FANCI: variants seen among roughly 807,000 people sequenced by gnomAD.
FANCI encodes the protein Fanconi anemia group I protein.
A neutral mutation model predicts 176.1 loss-of-function variants in FANCI; 156 were observed. The ratio of observed to expected loss-of-function variants is 0.89; its 90% CI spans 0.78 to 1.01. The LOEUF (loss-of-function observed/expected upper bound fraction) is 1.01, where lower values mean the gene tolerates loss of function less well. Ranked by LOEUF, FANCI falls within the 50% of genes least tolerant of loss-of-function variation. FANCI has a pLI of 0.00. For missense variants in FANCI, 1,678 were observed against 1,534.1 expected (o/e 1.09, Z -1.57); for synonymous variants, 613 against 541.7 (o/e 1.13, Z -1.83).
intron 24 of FANCI, among the ~76,000 whole-genome samples, chr15:89,297,316 G>T (rs1341462261): frequency 6.7e-6 from 1 of 150,228 alleles, no homozygotes; most frequent in Non-Finnish European, 1.5e-5. Flanking sequence ...TCCTAGATGG[G>T]ATTGCGGCCG....
Position 89,283,240 on chromosome 15 carries a change from G to A in FANCI, c.1688G>A (p.Ser563Asn). The change falls in exon 17 of 38, where the codon AGT becomes AAT. Residue 563 changes from serine (S) to asparagine (N), a missense_variant. Ser to Asn is a conservative substitution (Grantham distance 46). Around this residue, in one of 3 missense-constraint regions of FANCI, gnomAD observed 1,204 missense variants for 1,077.4 expected, o/e 1.12. Coordinates refer to ENST00000310775, the MANE Select transcript of FANCI (RefSeq NM_001113378.2). ...TCCTCTCAGTGCAGTCAGTCTCTCAGTGTCAGTCAGGTAAGGATTATTTAC... is the reference window on the plus strand; with the variant it reads ...TCCTCTCAGTGCAGTCAGTCTCTCAATGTCAGTCAGGTAAGGATTATTTAC... ...LSSSQCSQSL[S>N]VSQVHVDVHS... The A allele has an allele frequency of 1.2e-6, 2 of 1,614,084 alleles. No homozygotes were observed. The highest frequency in any genetic ancestry group is 1.7e-6 in the Non-Finnish European group (2 of 1,179,920).
intron 14 of FANCI, among the ~76,000 whole-genome samples, chr15:89,279,141 T>TTTTTTGTTG (rs2053517578): frequency 6.6e-6 from 1 of 150,896 alleles, no homozygotes; most frequent in African/African-American, 2.4e-5. Flanking sequence ...AATTTGCTGT[T>TTTTTTGTTG]TTGTTGTTGT....
chr15:89,251,845 A>G (rs915041775), intron 2 of FANCI, among the ~76,000 whole-genome samples: 2 of 152,200 alleles, frequency 1.3e-5, no homozygotes, highest in South Asian at 2.1e-4. Flanking sequence ...TAAAATGTAT[A>G]TATCTAAATT....
intron 11 of FANCI, 138 bp from the exon 12 acceptor site, chr15:89,274,030 A>G (rs1357831442): frequency 1.5e-6 from 1 of 664,808 alleles, no homozygotes; most frequent in African/African-American, 1.8e-5. Flanking sequence ...ATGGCAGCTC[A>G]TAGGAACAGT....
intron 10 of FANCI, among the ~76,000 whole-genome samples, chr15:89,271,926 G>A (rs28627341): frequency 0.036 from 5,477 of 152,312 alleles, 343 homozygotes; most frequent in African/African-American, 0.12. Flanking sequence ...TCAAATGTAA[G>A]TCTTTGTGTG....
intron 24 of FANCI, among the ~76,000 whole-genome samples, chr15:89,298,223 G>A (rs2054386485): frequency 6.6e-6 from 1 of 151,974 alleles, no homozygotes; most frequent in South Asian, 2.1e-4. Flanking sequence ...CTTTTTAGGT[G>A]CACATGGTGT....
Position 89,314,645 on chromosome 15 carries a change from A to G in FANCI, c.3754A>G (p.Asn1252Asp), listed in dbSNP as rs1229086339. The change falls in exon 36 of 38, where the codon AAC (asparagine) becomes GAC (aspartate). Residue 1252 changes from asparagine (N) to aspartate (D), a missense_variant. Around this residue, in one of 3 missense-constraint regions of FANCI, gnomAD observed 1,204 missense variants for 1,077.4 expected, o/e 1.12. Transcript: ENST00000310775. ...RVLRETKPIP[N>D]LIFAIEQYEK... ...TCTTCGGGAAACCAAGCCAATCCCT[A>G]ACCTCATCTTTGCCATAGAACAGTA... 5 of 1,614,128 alleles carry G rather than the reference A, an allele frequency of 3.1e-6. No homozygotes were observed. In the East Asian group the frequency reaches 8.9e-5, roughly 29 times the overall value.
intron 34 of FANCI, among the ~76,000 whole-genome samples, chr15:89,310,218 A>G (rs2054900742): frequency 6.6e-6 from 1 of 152,242 alleles, no homozygotes; most frequent in Non-Finnish European, 1.5e-5. Flanking sequence ...TACTATTAGA[A>G]CATAAAAGCA....
At chr15:89,290,305 A>G (rs2054011419) in intron 19 of FANCI, 24 bp downstream of exon 19, 2 of 1,566,684 alleles carry the variant, frequency 1.3e-6, no homozygotes, top group East Asian at 2.2e-5. Context: ...TTATGGATAT[A>G]TGGAAAACAG....
At chr15:89,250,203 C>CA (rs769939123) in intron 2 of FANCI, among the ~76,000 whole-genome samples, 5 of 152,134 alleles carry the variant, frequency 3.3e-5, no homozygotes, top group Non-Finnish European at 7.3e-5. Context: ...GGTATATACC[C>CA]AAAGGACTGT....
intron 19 of FANCI, among the ~76,000 whole-genome samples, 165 bp from the exon 20 acceptor site, chr15:89,291,448 A>T (rs1311641236): frequency 1.3e-5 from 2 of 152,212 alleles, no homozygotes; most frequent in Admixed American, 6.5e-5. Flanking sequence ...AGAGCACAGG[A>T]TGTGGGTGAG....
chr15:89,302,553 T>TTCTCCTC (rs1222541010), intron 27 of FANCI, among the ~76,000 whole-genome samples: 22 of 152,198 alleles, frequency 1.4e-4, no homozygotes, highest in Admixed American at 7.8e-4. Flanking sequence ...CTCCCTTAAC[T>TTCTCCTC]TCAGGTAGTC....
intron 3 of FANCI, 60 bp downstream of exon 3, chr15:89,258,836 T>A (rs2052603057): frequency 7.8e-7 from 1 of 1,281,684 alleles, no homozygotes; most frequent in African/African-American, 1.5e-5. Context: ...ATTTGTTTAG[T>A]TTTCGTACTT....
Position 89,294,945 on chromosome 15 carries a change from T to G in FANCI, c.2487T>G (p.Leu829=), listed in dbSNP as rs145762491. The part of the protein sequence containing the change: ...RDSIQSHQES[L]SVLRSSNEFM... ...GTATCCAAAGCCACCAAGAAAGCCTTTCTGTTCTCAGGTCCAGCAATGAGT... is the reference window on the plus strand; with the variant it reads ...GTATCCAAAGCCACCAAGAAAGCCTGTCTGTTCTCAGGTCCAGCAATGAGT... Residue 829 remains leucine (L), a synonymous_variant, in exon 24 of 38, where the codon CTT becomes CTG. Coordinates refer to ENST00000310775, the MANE Select transcript of FANCI (RefSeq NM_001113378.2). The G allele has an allele frequency of 1.8e-3, 2,761 of 1,552,344 alleles. 10 individuals carry two copies. The Middle Eastern group carries it at 0.02, about 11-fold the overall frequency.
chr15:89,315,647 C>T (rs1186055370), intron 37 of FANCI, among the ~76,000 whole-genome samples: 2 of 152,208 alleles, frequency 1.3e-5, no homozygotes, highest in African/African-American at 4.8e-5. Context: ...TGTGGGTCCT[C>T]TTCCTGTTAA....
At chr15:89,267,488 C>G (rs1241922606) in intron 9 of FANCI, among the ~76,000 whole-genome samples, 1 of 151,020 alleles carries the variant, frequency 6.6e-6, no homozygotes, top group Non-Finnish European at 1.5e-5. Flanking sequence ...CATTTGTGAC[C>G]CTTGAAAAAA....
At chr15:89,282,150 T>C (rs2053639074) in intron 16 of FANCI, 1 of 377,876 alleles carries the variant, frequency 2.6e-6, no homozygotes, top group Non-Finnish European at 5.1e-6. Context: ...CAAAGTCAGG[T>C]CTAACATCAG....
rs3743374 is a variant in FANCI at position 89,281,689 on chromosome 15, G to A, written c.1513-76G>A. On this transcript the variant is annotated intron_variant, in intron 15 of 37. Coordinates refer to ENST00000310775, the MANE Select transcript of FANCI (RefSeq NM_001113378.2). ...TAAGCTTCCTTATAGAAGCCATATGGTAACAGTATTGGGTAGAAATGACCT... is the reference window on the plus strand; with the variant it reads ...TAAGCTTCCTTATAGAAGCCATATGATAACAGTATTGGGTAGAAATGACCT... 3,183 of 1,317,232 alleles carry A rather than the reference G, an allele frequency of 2.4e-3. 35 individuals are homozygous for A. Among genetic ancestry groups the A allele is most frequent in the East Asian group, 0.014 (627 of 43,424 alleles). 81.6% of individuals were successfully genotyped at this position (1,317,232 alleles called of 1,614,324 possible).
In FANCI at chr15:89,312,908, A is replaced by G. The variant is rs757964620; in HGVS notation, c.3656A>G (p.Lys1219Arg). The change falls in exon 35 of 38, where the codon AAG becomes AGG. Residue 1219 changes from lysine to arginine, a missense_variant. Lys to Arg is a conservative substitution (Grantham distance 26, BLOSUM62 2). Around this residue, in one of 3 missense-constraint regions of FANCI, gnomAD observed 1,204 missense variants for 1,077.4 expected, o/e 1.12. Transcript: ENST00000310775. ...AATGTGTTTCTATTTCTTTAGAATA[A>G]GAGTAAGAGCCTGAACTATACGGGA... Reference protein sequence around the residue: ...CYSFISYVQNKSKSLNYTGEK... With the variant: ...CYSFISYVQNRSKSLNYTGEK... 18 of 1,613,048 alleles carry G rather than the reference A, an allele frequency of 1.1e-5. No individual in the cohort carries two copies. Among genetic ancestry groups the G allele is most frequent in the Admixed American group, 5.0e-5 (3 of 59,974 alleles).
Sources: allele counts gnomAD v4.1 joint callset (sites outside exome capture counted in the v4.1 genomes callset), GRCh38; gene constraint gnomAD v4.1.1; regional missense constraint gnomAD v4.1.1; transcripts MANE v1.5; gene names NCBI Gene and HGNC (gene_info 2026-07-23, HGNC 2026-07-21).